Variants in LARGE1 observed in about 807,000 individuals in gnomAD.
LARGE1 encodes LARGE xylosyl- and glucuronyltransferase 1, also known as xylosyl- and glucuronyltransferase LARGE1.
LARGE1 carries 43 observed loss-of-function variants against 87.6 expected under a neutral mutation model. The observed-to-expected ratio is 0.49, with a 90% CI of 0.38 to 0.63. The LOEUF (loss-of-function observed/expected upper bound fraction) is 0.63, where lower values mean the gene tolerates loss of function less well. Ranked by LOEUF, LARGE1 falls within the 30% of genes least tolerant of loss-of-function variation. The probability of loss-of-function intolerance (pLI) is 0.00; values close to 1 mark genes in which losing one functional copy is unlikely to be tolerated. For missense variants in LARGE1, 802 were observed against 1,000.2 expected (o/e 0.80, Z 2.67); for synonymous variants, 434 against 394.6 (o/e 1.10, Z -1.18).
chr22:33,695,542 T>A (rs1364461976), intron 2 of LARGE1, among the ~76,000 whole-genome samples: 2 of 152,206 alleles, frequency 1.3e-5, no homozygotes, highest in Admixed American at 6.5e-5. Context: ...TATATATAGC[T>A]GCCCCTGTGA....
chr22:33,419,536 G>A (rs2066618359), intron 7 of LARGE1, among the ~76,000 whole-genome samples: 2 of 151,978 alleles, frequency 1.3e-5, no homozygotes, highest in Non-Finnish European at 1.5e-5. Context: ...CATCCTTCAG[G>A]TCTTAGCTCA....
intron 1 of LARGE1, among the ~76,000 whole-genome samples, chr22:33,910,463 A>C (rs1029691328): frequency 6.6e-6 from 1 of 152,044 alleles, no homozygotes; most frequent in African/African-American, 2.4e-5. Flanking sequence ...TAAGACCCAA[A>C]TCTAATATTC....
At chr22:33,398,520 C>A (rs554574176) in intron 7 of LARGE1, among the ~76,000 whole-genome samples, 1 of 152,294 alleles carries the variant, frequency 6.6e-6, no homozygotes, top group South Asian at 2.1e-4. Flanking sequence ...GTCAACCCTG[C>A]AGATCTGAGG....
intron 7 of LARGE1, among the ~76,000 whole-genome samples, chr22:33,406,520 C>A (rs999759321): frequency 6.6e-6 from 1 of 151,988 alleles, no homozygotes; most frequent in Non-Finnish European, 1.5e-5. Flanking sequence ...ACGCACACAC[C>A]CTCACTGTTT....
rs75414301 is a variant in LARGE1 at position 33,748,972 on chromosome 22, C to T, written c.106+12399G>A. ...GGGTCTCTCTGGACCAGGTGGGTGA[C>T]GTTTTTGCATCCCTCCCAGGAGACT... is the stretch of plus-strand genomic sequence containing the variant. On this transcript the variant is annotated intron_variant, in intron 2 of 14. Coordinates refer to ENST00000397394, the MANE Select transcript of LARGE1 (RefSeq NM_133642.5). Among the ~76,000 whole-genome samples the T allele has an allele frequency of 5.6e-3, 858 of 152,252 alleles. 4 individuals carry two copies. The highest frequency in any genetic ancestry group is 8.8e-3 in the Non-Finnish European group (597 of 68,016).
rs568731411 is a variant in LARGE1 at position 33,285,502 on chromosome 22, T to A, written c.1731-2154A>T. On this transcript the variant is annotated intron_variant, in intron 12 of 14. Transcript: ENST00000397394. ...AGCCGGGCGTGGTGGGGGGTGCTGG[T>A]AGTCCCAGCTATTCAGGAGGCTGAG... 1.7e-3 allele frequency among the ~76,000 whole-genome samples: 257 copies of A among 152,190 alleles called. 2 individuals are homozygous for A. The highest frequency in any genetic ancestry group is 6.0e-3 in the African/African-American group (249 of 41,526).
At chr22:33,393,076 T>C (rs1258003095) in intron 7 of LARGE1, among the ~76,000 whole-genome samples, 1 of 152,192 alleles carries the variant, frequency 6.6e-6, no homozygotes, top group South Asian at 2.1e-4. Context: ...ATCCACTGTA[T>C]GGAAAATTAT....
At chr22:33,456,363 A>G (rs926840201) in intron 6 of LARGE1, among the ~76,000 whole-genome samples, 3 of 152,156 alleles carry the variant, frequency 2.0e-5, no homozygotes, top group Admixed American at 1.3e-4. Flanking sequence ...TGCTGTATCA[A>G]TACTCCCCAA....
chr22:33,172,404 G>T (rs1245816333), intron 11 of LARGE1, among the ~76,000 whole-genome samples: 4 of 152,080 alleles, frequency 2.6e-5, no homozygotes, highest in Admixed American at 6.6e-5. Flanking sequence ...CAGTGAGGAA[G>T]ATCTCATGAG....
chr22:33,554,942 A>G (rs1385510197), intron 6 of LARGE1, among the ~76,000 whole-genome samples: 1 of 152,218 alleles, frequency 6.6e-6, no homozygotes, highest in African/African-American at 2.4e-5. Context: ...AAAACAGACA[A>G]AGATCCCTGC....
intron 7 of LARGE1, among the ~76,000 whole-genome samples, chr22:33,391,765 CTTTTTT>C (rs1034572374): frequency 2.7e-3 from 172 of 63,848 alleles, no homozygotes; most frequent in African/African-American, 0.017. Flanking sequence ...TTCCTTTTTC[CTTTTTT>C]TTTTTTTTTT....
chr22:33,852,809 T>C (rs1383043908), intron 1 of LARGE1, among the ~76,000 whole-genome samples: 9 of 131,150 alleles, frequency 6.9e-5, no homozygotes, highest in East Asian at 4.5e-4. Flanking sequence ...TGAGTGGAGA[T>C]TGGGCCGCTG....
chr22:33,861,387 T>TACAC (rs916581145), intron 1 of LARGE1, among the ~76,000 whole-genome samples: 1 of 150,996 alleles, frequency 6.6e-6, no homozygotes, highest in African/African-American at 2.4e-5. Context: ...CTCACCCACC[T>TACAC]ACACACACAC....
chr22:33,392,086 A>G (rs2065548552), intron 7 of LARGE1, among the ~76,000 whole-genome samples: 3 of 151,520 alleles, frequency 2.0e-5, no homozygotes. Context: ...GGTTATTCCT[A>G]TAACCAATAT....
intron 11 of LARGE1, among the ~76,000 whole-genome samples, chr22:33,238,186 G>T (rs1926347320): frequency 6.6e-6 from 1 of 152,078 alleles, no homozygotes; most frequent in Admixed American, 6.6e-5. Flanking sequence ...TCAGCAGTTA[G>T]GTTAAAATCA....
intron 1 of LARGE1, among the ~76,000 whole-genome samples, chr22:33,834,974 C>G (rs954229252): frequency 4.6e-5 from 7 of 151,628 alleles, no homozygotes; most frequent in Non-Finnish European, 7.4e-5. Context: ...TTAGCATTTC[C>G]CATGCAGGAT....
intron 2 of LARGE1, among the ~76,000 whole-genome samples, chr22:33,681,674 C>T (rs1162855511): frequency 5.9e-5 from 9 of 152,190 alleles, no homozygotes; most frequent in Admixed American, 5.2e-4. Context: ...CTGATTTAAT[C>T]CACCAGATCT....
chr22:33,896,241 T>C (rs2065141986), intron 1 of LARGE1, among the ~76,000 whole-genome samples: 1 of 152,224 alleles, frequency 6.6e-6, no homozygotes, highest in Non-Finnish European at 1.5e-5. Context: ...TCAAAGTTCA[T>C]CCATGTTGTC....
At chr22:33,166,657 C>A in exon 12 of LARGE1, 1 of 442,212 alleles carries the variant, frequency 2.3e-6, no homozygotes. Context: ...TCACCTGGCA[C>A]GTACCACTTT....
Sources: gnomAD v4.1 joint callset for allele counts (sites outside exome capture counted in the v4.1 genomes callset) on GRCh38, gnomAD v4.1.1 for gene constraint, MANE v1.5 for transcripts, NCBI Gene and HGNC (gene_info 2026-07-23, HGNC 2026-07-21) for gene names.